Variants in MEI4 observed in about 807,000 individuals in gnomAD.
MEI4 encodes meiosis-specific protein MEI4.
Under a neutral mutation model 31.4 loss-of-function variants are expected in MEI4, and 27 were observed. The observed-to-expected ratio is 0.86, with a 90% confidence interval of 0.63 to 1.19. The LOEUF is 1.19. Ranked by LOEUF, MEI4 falls within the 50% of genes most tolerant of loss-of-function variation. MEI4 has a pLI of 0.00. For synonymous variants in MEI4, 122 were observed against 145.4 expected (o/e 0.84, Z 1.16); for missense variants, 329 against 398.9 (o/e 0.82, Z 1.49).
intron 3 of MEI4, among the ~76,000 whole-genome samples, chr6:77,799,495 T>G (rs140137458): frequency 0.092 from 13,999 of 152,210 alleles, 940 homozygotes; most frequent in East Asian, 0.3. Context: ...CTCTTTAGTT[T>G]AATTAGATCC....
At chr6:77,756,569 A>C (rs1056687664) in intron 2 of MEI4, among the ~76,000 whole-genome samples, 1 of 151,598 alleles carries the variant, frequency 6.6e-6, no homozygotes, top group Non-Finnish European at 1.5e-5. Context: ...TAATTATTGC[A>C]ATAGCCATAT....
intron 2 of MEI4, among the ~76,000 whole-genome samples, chr6:77,700,815 A>T (rs1263485429): frequency 6.6e-6 from 1 of 152,198 alleles, no homozygotes; most frequent in Admixed American, 6.5e-5. Context: ...CTTCTTAATG[A>T]ATATACCTCT....
chr6:77,853,157 T>A (rs1293284376), intron 4 of MEI4, among the ~76,000 whole-genome samples: 1 of 152,046 alleles, frequency 6.6e-6, no homozygotes, highest in Non-Finnish European at 1.5e-5. Context: ...GAGATTGCCC[T>A]ATTGCACTCC....
intron 2 of MEI4, among the ~76,000 whole-genome samples, chr6:77,734,833 G>A (rs190559097): frequency 0.023 from 3,461 of 151,884 alleles, 160 homozygotes; most frequent in African/African-American, 0.079. Context: ...AGGCCTGGTT[G>A]TGACAAAATC....
At chr6:77,766,565 C>T (rs1768179958) in intron 3 of MEI4, among the ~76,000 whole-genome samples, 3 of 152,274 alleles carry the variant, frequency 2.0e-5, no homozygotes, top group South Asian at 2.1e-4. Flanking sequence ...AGGTGCCTGC[C>T]ACCACACCCG....
intron 1 of MEI4, among the ~76,000 whole-genome samples, chr6:77,681,847 A>G (rs1331993290): frequency 6.6e-6 from 1 of 152,230 alleles, no homozygotes; most frequent in African/African-American, 2.4e-5. Flanking sequence ...TCTGTCACGC[A>G]CAGACTCTCT....
At chr6:77,901,604 T>G (rs1300636932) in intron 4 of MEI4, among the ~76,000 whole-genome samples, 1 of 152,118 alleles carries the variant, frequency 6.6e-6, no homozygotes, top group African/African-American at 2.4e-5. Flanking sequence ...TTATATATTT[T>G]TAATATTAGC....
chr6:77,852,377 G>A lies in MEI4; in HGVS notation c.900+23315G>A, dbSNP rs191752615. Among the ~76,000 whole-genome samples, 758 of 152,240 alleles carry A rather than the reference G, an allele frequency of 5.0e-3. 16 individuals are homozygous for A. Among genetic ancestry groups the A allele is most frequent in the Non-Finnish European group, 1.0e-3 (71 of 68,026 alleles). On this transcript the variant is annotated intron_variant, in intron 4 of 4. Coordinates refer to ENST00000684080, the MANE Select transcript of MEI4 (RefSeq NM_001322247.2). The stretch of plus-strand genomic sequence containing the variant: ...TAATCAGTGCAAATGTTGACACAGT[G>A]ACAGAGACATATAATGTATTAATAT...
Position 77,690,874 on chromosome 6 carries a change from G to T in MEI4, c.203G>T (p.Ser68Ile). 2 of 1,231,250 alleles carry T rather than the reference G, an allele frequency of 1.6e-6. No homozygotes were observed. Among genetic ancestry groups the T allele is most frequent in the Non-Finnish European group, 2.0e-6 (2 of 987,258 alleles). 76.3% of individuals were successfully genotyped at this position (1,231,250 alleles called of 1,614,324 possible). ...VMQLRQKLLV[S>I]RLCSGSFKSG... ...CAATTACGTCAAAAACTTCTTGTGA[G>T]CAGGCTTTGTTCAGGATCCTTTAAG... is the stretch of plus-strand genomic sequence containing the variant. Residue 68 changes from serine (S) to isoleucine (I), a missense_variant, in exon 2 of 5, where the codon AGC becomes ATC. By Grantham distance (142) the Ser-to-Ile change is moderately radical (BLOSUM62 -2). Transcript: ENST00000684080.
chr6:77,731,845 A>G (rs1055181267), intron 2 of MEI4, among the ~76,000 whole-genome samples: 7 of 152,036 alleles, frequency 4.6e-5, no homozygotes, highest in African/African-American at 1.5e-4. Context: ...CTTTCTACAT[A>G]TGGCTAGCCA....
intron 1 of MEI4, among the ~76,000 whole-genome samples, chr6:77,663,140 A>G (rs1300517604): frequency 2.0e-5 from 3 of 152,260 alleles, no homozygotes; most frequent in Non-Finnish European, 4.4e-5. Flanking sequence ...TTTGGTTGAT[A>G]AGGTGCAGAT....
At chr6:77,864,327 A>C (rs1423350282) in intron 4 of MEI4, among the ~76,000 whole-genome samples, 5 of 152,230 alleles carry the variant, frequency 3.3e-5, no homozygotes, top group Non-Finnish European at 1.5e-5. Flanking sequence ...TGCTGTATTC[A>C]GGAAACCCAT....
chr6:77,771,800 G>A (rs1318558860), intron 3 of MEI4, among the ~76,000 whole-genome samples: 2 of 152,010 alleles, frequency 1.3e-5, no homozygotes, highest in Non-Finnish European at 2.9e-5. Context: ...TGGTTGGTAG[G>A]AGGAGGGAGA....
At chr6:77,803,036 A>G (rs1033373736) in intron 3 of MEI4, among the ~76,000 whole-genome samples, 10 of 152,084 alleles carry the variant, frequency 6.6e-5, no homozygotes, top group African/African-American at 2.2e-4. Context: ...TAGATTGGGG[A>G]AGTTCTCCTG....
chr6:77,862,064 TAA>T (rs11317423), intron 4 of MEI4, among the ~76,000 whole-genome samples: 259 of 144,002 alleles, frequency 1.8e-3, no homozygotes, highest in Admixed American at 2.3e-3. Context: ...AGCAAAGAAT[TAA>T]AAAAAAAAAA....
intron 4 of MEI4, among the ~76,000 whole-genome samples, chr6:77,846,400 C>G (rs1420873314): frequency 1.3e-5 from 2 of 151,942 alleles, no homozygotes; most frequent in South Asian, 4.2e-4. Flanking sequence ...CATTTCATGC[C>G]ACTGAACATG....
chr6:77,731,484 T>C (rs2127667720), intron 2 of MEI4, among the ~76,000 whole-genome samples: 1 of 151,536 alleles, frequency 6.6e-6, no homozygotes, highest in East Asian at 1.9e-4. Context: ...TGTTTGTTTT[T>C]TTCTTGTAAA....
At chr6:77,798,790 A>G (rs1311147295) in intron 3 of MEI4, among the ~76,000 whole-genome samples, 10 of 151,494 alleles carry the variant, frequency 6.6e-5, no homozygotes, top group Admixed American at 4.6e-4. Flanking sequence ...ATGACTTCCA[A>G]TTTCATCCAT....
chr6:77,831,416 A>C (rs1770076745), intron 4 of MEI4, among the ~76,000 whole-genome samples: 1 of 151,722 alleles, frequency 6.6e-6, no homozygotes, highest in Admixed American at 6.6e-5. Flanking sequence ...ATCCAAAAGA[A>C]AGGAGAGATA....
Sources: allele counts gnomAD v4.1 joint callset (sites outside exome capture counted in the v4.1 genomes callset), GRCh38; gene constraint gnomAD v4.1.1; transcripts MANE v1.5; gene names NCBI Gene and HGNC (gene_info 2026-07-23, HGNC 2026-07-21).